The following EFHC2 variants were observed in gnomAD, a reference collection of about 807,000 sequenced individuals.
EFHC2 encodes the protein EF-hand domain containing 2.
Under a neutral mutation model 52.7 loss-of-function variants are expected in EFHC2, and 18 were observed. The ratio of observed to expected loss-of-function variants is 0.34; its 90% CI spans 0.24 to 0.51. The LOEUF is 0.51. Ranked by LOEUF, EFHC2 falls within the 20% of genes least tolerant of loss-of-function variation. The pLI is 0.97. For synonymous variants in EFHC2, 203 were observed against 204.1 expected, an observed-to-expected ratio of 0.99 and a Z score of 0.04; for missense variants, 513 against 562.5, an observed-to-expected ratio of 0.91 and a Z score of 0.89.
intron 5 of EFHC2, among the ~76,000 whole-genome samples, chrX:44,249,308 A>G (rs1025663620): frequency 9.0e-6 from 1 of 111,601 alleles, no homozygotes; most frequent in African/African-American, 3.3e-5. Context: ...AATTAGCATT[A>G]TGGTAACCTT....
intron 2 of EFHC2, among the ~76,000 whole-genome samples, chrX:44,299,360 C>T (rs755752789): frequency 1.8e-4 from 20 of 111,686 alleles, no homozygotes; most frequent in Non-Finnish European, 3.6e-4. Context: ...TGATAAGAAA[C>T]ATTTACAATC....
At position 44,330,574 on chromosome X, in the gene EFHC2, G is replaced by A. The variant is rs139400291; in HGVS notation, c.42+12973C>T. 6.6e-3 allele frequency among the ~76,000 whole-genome samples: 740 copies of A among 111,454 alleles called. 7 individuals carry two copies. The highest frequency in any genetic ancestry group is 0.023 in the African/African-American group (700 of 30,624). On this transcript the variant is annotated intron_variant, in intron 1 of 14. Coordinates refer to ENST00000420999, the MANE Select transcript of EFHC2 (RefSeq NM_025184.4). ...AATCCCAACTACTTGGGAGGCTGAGGCACGAGAGTCACTTGAACCTGGGAG... is the reference window on the plus strand; with the variant it reads ...AATCCCAACTACTTGGGAGGCTGAGACACGAGAGTCACTTGAACCTGGGAG...
chrX:44,266,799 T>C (rs1319839583), intron 3 of EFHC2, among the ~76,000 whole-genome samples: 1 of 111,747 alleles, frequency 8.9e-6, no homozygotes, highest in Non-Finnish European at 1.9e-5. Flanking sequence ...CTATATATAG[T>C]ACATGCCCAA....
At chrX:44,258,902 G>A (rs1244553616) in intron 4 of EFHC2, among the ~76,000 whole-genome samples, 2 of 110,076 alleles carry the variant, frequency 1.8e-5, no homozygotes, top group Non-Finnish European at 3.8e-5. Flanking sequence ...GGAAACAACA[G>A]ATGCTGGAGA....
chrX:44,277,091 C>T (rs138922506), intron 2 of EFHC2, among the ~76,000 whole-genome samples: 1 of 109,791 alleles, frequency 9.1e-6, no homozygotes, highest in East Asian at 2.9e-4. Flanking sequence ...AACGCTGTCT[C>T]TACTAAAAAT....
intron 1 of EFHC2, among the ~76,000 whole-genome samples, chrX:44,329,283 A>G (rs2038071591): frequency 8.9e-6 from 1 of 111,829 alleles, no homozygotes; most frequent in African/African-American, 3.3e-5. Context: ...CAAAAAAAAG[A>G]CAAATAATCT....
At chrX:44,155,853 A>G (rs1423653229) in intron 14 of EFHC2, among the ~76,000 whole-genome samples, 1 of 112,618 alleles carries the variant, frequency 8.9e-6, no homozygotes, top group Non-Finnish European at 1.9e-5. Flanking sequence ...GGGGAAGAGG[A>G]TTTTGCGAAT....
At chrX:44,309,860 C>T in intron 2 of EFHC2, 1 of 1,180,097 alleles carries the variant, frequency 8.5e-7, no homozygotes. Flanking sequence ...GCCCAATCTG[C>T]CTTCTTCTTG....
intron 4 of EFHC2, among the ~76,000 whole-genome samples, chrX:44,251,938 A>G (rs1391260768): frequency 9.0e-6 from 1 of 111,682 alleles, no homozygotes; most frequent in African/African-American, 3.2e-5. Flanking sequence ...TATTAATTAT[A>G]TCTCAACCAA....
intron 11 of EFHC2, among the ~76,000 whole-genome samples, chrX:44,205,413 A>AT (rs2037040824): frequency 1.0e-5 from 1 of 96,918 alleles, no homozygotes; most frequent in Admixed American, 1.1e-4. Context: ...GGCAAATTAG[A>AT]TTAAAAAAAA....
chrX:44,276,807 A>G (rs986502612), intron 2 of EFHC2, among the ~76,000 whole-genome samples: 2 of 112,423 alleles, frequency 1.8e-5, no homozygotes, highest in Non-Finnish European at 3.7e-5. Context: ...TGCGTGGAGA[A>G]GGTTGTCCAT....
At chrX:44,249,208 C>A (rs1219010420) in intron 5 of EFHC2, among the ~76,000 whole-genome samples, 1 of 111,410 alleles carries the variant, frequency 9.0e-6, no homozygotes, top group Non-Finnish European at 1.9e-5. Flanking sequence ...TGCCTCCAAG[C>A]AAACGCAGTA....
Position 44,250,213 on chromosome X carries a change from C to T in EFHC2, c.839G>A (p.Arg280Gln), listed in dbSNP as rs772582437. 37 of 1,208,561 alleles carry T rather than the reference C, an allele frequency of 3.1e-5. No homozygotes were observed. Among genetic ancestry groups the T allele is most frequent in the South Asian group, 2.7e-4 (15 of 56,438 alleles). ...SGRDALKMFL[R>Q]RSKLPKNCPP... is the part of the protein sequence containing the mutation. ...GCTCACCTTGGGTAGCTTACTCCTC[C>T]GGAGGAACATTTTTAGAGCATCTCG... The change falls in exon 5 of 15, where the codon CGG becomes CAG. Residue 280 changes from arginine to glutamine, a missense_variant. By Grantham distance (43) the Arg-to-Gln change is conservative (BLOSUM62 1). Transcript: ENST00000420999.
chrX:44,169,753 T>A (rs751263315), intron 13 of EFHC2, among the ~76,000 whole-genome samples: 336 of 106,268 alleles, frequency 3.2e-3, no homozygotes, highest in African/African-American at 5.5e-3. Context: ...ACATACACAC[T>A]CTCTCTCTCT....
At chrX:44,180,816 G>A (rs1178354509) in intron 11 of EFHC2, among the ~76,000 whole-genome samples, 1 of 109,675 alleles carries the variant, frequency 9.1e-6, no homozygotes, top group Non-Finnish European at 1.9e-5. Flanking sequence ...AAGAAGTTAT[G>A]ATGTCTGGGA....
Position 44,343,653 on chromosome X carries a change from G to A in EFHC2, c.-65C>T, listed in dbSNP as rs753368862. The A allele has an allele frequency of 3.5e-6, 4 of 1,141,601 alleles. No homozygotes were observed. The highest frequency in any genetic ancestry group is 3.5e-6 in the Non-Finnish European group (3 of 849,985). The allele number at this position is 1,141,601 out of a possible 1,213,427, so 94.1% of individuals were successfully genotyped here. A position where few individuals can be genotyped will look rare whatever the true frequency, so the allele number is the denominator to read the frequency against. On this transcript the variant is annotated 5_prime_UTR_variant, in exon 1 of 15. Transcript: ENST00000420999. Reference sequence around the variant, plus strand: ...GGCCCGGCAGGCAGCGGCGCCTCCCGGCCGTGTTGTTTGGCCCCCACGTTG... The same window carrying A: ...GGCCCGGCAGGCAGCGGCGCCTCCCAGCCGTGTTGTTTGGCCCCCACGTTG...
chrX:44,227,357 G>A (rs2037241048), intron 11 of EFHC2, among the ~76,000 whole-genome samples: 1 of 111,260 alleles, frequency 9.0e-6, no homozygotes, highest in African/African-American at 3.3e-5. Context: ...TGAAGACAAG[G>A]TGCAGGGACC....
At chrX:44,294,557 G>A (rs1332025666) in intron 2 of EFHC2, among the ~76,000 whole-genome samples, 1 of 110,569 alleles carries the variant, frequency 9.0e-6, no homozygotes, top group African/African-American at 3.3e-5. Context: ...TCCCACAAGT[G>A]CATCACCAAC....
Position 44,279,851 on chromosome X carries a change from C to A in EFHC2, c.232-7015G>T, listed in dbSNP as rs185412197. Among the ~76,000 whole-genome samples, 29 of 110,531 alleles carry A rather than the reference C, an allele frequency of 2.6e-4. 2 individuals are homozygous for A. The East Asian group carries it at 6.5e-3, about 25-fold the overall frequency. On this transcript the variant is annotated intron_variant, in intron 2 of 14. Coordinates refer to ENST00000420999, the MANE Select transcript of EFHC2 (RefSeq NM_025184.4). ...GGATACCAAAAATGATGGAAAGCTA[C>A]AAAGGTGAATTCCTATGCCTAATAG...
Sources: gnomAD v4.1 joint callset for allele counts (sites outside exome capture counted in the v4.1 genomes callset) on GRCh38, gnomAD v4.1.1 for gene constraint, MANE v1.5 for transcripts, NCBI Gene and HGNC (gene_info 2026-07-23, HGNC 2026-07-21) for gene names.